Variants in ACACB observed in about 807,000 individuals in gnomAD.
ACACB encodes the protein acetyl-CoA carboxylase beta, also known as acetyl-CoA carboxylase 2.
A neutral mutation model predicts 278.8 loss-of-function variants in ACACB; 209 were observed. That is an observed-to-expected ratio of 0.75 (90% CI 0.67 to 0.84). ACACB has a LOEUF of 0.84. ACACB is among the 40% of genes least tolerant of loss of function. The pLI is 0.00. For synonymous variants in ACACB, 1,174 were observed against 1,285.6 expected (o/e 0.91, Z 1.86); for missense variants, 2,850 against 3,269.0 (o/e 0.87, Z 3.13).
At chr12:109,185,783 C>T in intron 12 of ACACB, 43 bp downstream of exon 12, 1 of 1,567,184 alleles carries the variant, frequency 6.4e-7, no homozygotes, top group African/African-American at 1.4e-5. Flanking sequence ...CTCAGATCTC[C>T]CAGCATGTGG....
At chr12:109,223,029 C>A in intron 26 of ACACB, 117 bp downstream of exon 26, 1 of 808,160 alleles carries the variant, frequency 1.2e-6, no homozygotes, top group Non-Finnish European at 2.0e-6. Flanking sequence ...CAGGGCACAG[C>A]CACAGATGCA....
intron 2 of ACACB, among the ~76,000 whole-genome samples, chr12:109,151,148 C>A (rs1193529896): frequency 6.6e-6 from 1 of 151,934 alleles, no homozygotes; most frequent in African/African-American, 2.4e-5. Context: ...CCATGCCCAG[C>A]TAATTTTTGT....
At chr12:109,251,555 A>T (rs1205098971) in intron 41 of ACACB, among the ~76,000 whole-genome samples, 1 of 152,242 alleles carries the variant, frequency 6.6e-6, no homozygotes, top group East Asian at 1.9e-4. Flanking sequence ...ATAAGATACT[A>T]CAGAGAATTT....
upstream of ACACB, among the ~76,000 whole-genome samples, chr12:109,115,922 C>T (rs1180725503): frequency 1.3e-5 from 2 of 152,248 alleles, no homozygotes; most frequent in African/African-American, 4.8e-5. Flanking sequence ...CCTATGTGGT[C>T]TCCACTTTCC....
intron 2 of ACACB, among the ~76,000 whole-genome samples, chr12:109,147,933 T>A (rs2043283088): frequency 6.6e-6 from 1 of 152,208 alleles, no homozygotes; most frequent in Admixed American, 6.5e-5. Flanking sequence ...AAATTCTTTC[T>A]CCTTGTATCT....
At chr12:109,140,676 G>C (rs567183124) in intron 2 of ACACB, among the ~76,000 whole-genome samples, 1 of 152,162 alleles carries the variant, frequency 6.6e-6, no homozygotes, top group South Asian at 2.1e-4. Flanking sequence ...AAAAAGGAAA[G>C]AAATCATTCC....
chr12:109,258,429 C>A, intron 46 of ACACB, 65 bp downstream of exon 46: 1 of 1,370,546 alleles, frequency 7.3e-7, no homozygotes, highest in Non-Finnish European at 1.0e-6. Flanking sequence ...GGGTCCTGGG[C>A]GTGGGGGTCC....
chr12:109,237,317 G>C lies in ACACB; in HGVS notation c.4599G>C (p.Val1533=), dbSNP rs1358630982. ...YLGAAKVKEG[V]EVTDHRFFIR... ...GTGCTGCCAAGGTGAAGGAAGGTGT[G>C]GAAGTGACGGACCATAGGTTCTTCA... The change falls in exon 34 of 53, where the codon GTG becomes GTC. Residue 1533 remains valine, a synonymous_variant. Coordinates refer to ENST00000338432, the MANE Select transcript of ACACB (RefSeq NM_001093.4). 1.9e-6 allele frequency: 3 copies of C among 1,614,180 alleles called. No individual in the cohort carries two copies. Among genetic ancestry groups the C allele is most frequent in the Non-Finnish European group, 2.5e-6 (3 of 1,180,034 alleles).
rs1278708985 is a variant in ACACB, at chr12:109,267,925, GA to G, written c.*1564del. The G allele has an allele frequency of 6.6e-6, 1 of 151,350 alleles. No homozygotes were observed. Among genetic ancestry groups the G allele is most frequent in the Non-Finnish European group, 1.5e-5 (1 of 67,872 alleles). 9.4% of individuals were successfully genotyped at this position (151,350 alleles called of 1,614,324 possible). The stretch of plus-strand genomic sequence containing the variant: ...GCCCAGGGAAGCCTCCAAAAGCTGG[GA>G]TGCTTGAGGGTATCCAAGTTGAAAA... On this transcript the variant is annotated 3_prime_UTR_variant, in exon 53 of 53. Coordinates refer to ENST00000338432, the MANE Select transcript of ACACB (RefSeq NM_001093.4).
chr12:109,166,278 A>G (rs945943742), intron 2 of ACACB, among the ~76,000 whole-genome samples: 1 of 152,168 alleles, frequency 6.6e-6, no homozygotes, highest in Non-Finnish European at 1.5e-5. Flanking sequence ...AGGTTCCTAA[A>G]CAATGGGCAT....
At chr12:109,130,658 T>A (rs1413419613) in intron 1 of ACACB, among the ~76,000 whole-genome samples, 5 of 152,302 alleles carry the variant, frequency 3.3e-5, no homozygotes, top group African/African-American at 4.8e-5. Context: ...ACACCCCAGA[T>A]CTACAGGCCG....
At chr12:109,251,293 A>G (rs2047088278) in intron 41 of ACACB, among the ~76,000 whole-genome samples, 3 of 152,180 alleles carry the variant, frequency 2.0e-5, no homozygotes, top group African/African-American at 4.8e-5. Context: ...CTGCCTAACT[A>G]TCACCTGATG....
intron 13 of ACACB, among the ~76,000 whole-genome samples, chr12:109,190,741 C>T (rs1054846098): frequency 3.3e-5 from 5 of 152,138 alleles, no homozygotes; most frequent in African/African-American, 7.2e-5. Flanking sequence ...GATCCTCCCC[C>T]TTTAGCCTCC....
chr12:109,161,139 C>T (rs2043709817), intron 2 of ACACB, among the ~76,000 whole-genome samples: 2 of 152,182 alleles, frequency 1.3e-5, no homozygotes. Flanking sequence ...ATCTGCCAGT[C>T]TCTCCAGCAA....
intron 10 of ACACB, 163 bp downstream of exon 10, chr12:109,179,460 G>A (rs2044389800): frequency 2.8e-6 from 2 of 712,626 alleles, no homozygotes; most frequent in Admixed American, 5.2e-5. Context: ...CAGGTTTATT[G>A]GATTAGCCGG....
chr12:109,232,900 G>C lies in ACACB; in HGVS notation c.4139+94G>C, dbSNP rs543345526. On this transcript the variant is annotated intron_variant, in intron 29 of 52. Transcript: ENST00000338432. ...CCCAATTCACTGGACAGATGGGGTG[G>C]GAGAGACCCAGACACGTGGCACAGC... 8.9e-4 allele frequency: 1,318 copies of C among 1,486,004 alleles called. 1 individual carries two copies. Among genetic ancestry groups the C allele is most frequent in the Admixed American group, 1.5e-3 (81 of 52,750 alleles). 92.1% of individuals were successfully genotyped at this position (1,486,004 alleles called of 1,614,324 possible). A position where few individuals can be genotyped will look rare whatever the true frequency, so the allele number is the denominator to read the frequency against.
intron 34 of ACACB, among the ~76,000 whole-genome samples, chr12:109,238,655 C>G (rs2046708909): frequency 6.7e-6 from 1 of 150,110 alleles, no homozygotes; most frequent in African/African-American, 2.5e-5. Context: ...ACCTCCGCAC[C>G]CCCGGGTTCA....
In ACACB at chr12:109,171,929, G is replaced by A; in HGVS notation, c.1035+15G>A. 1 of 1,597,144 alleles carries A rather than the reference G, an allele frequency of 6.3e-7. No homozygotes were observed. Among genetic ancestry groups the A allele is most frequent in the African/African-American group, 1.3e-5 (1 of 74,684 alleles). On this transcript the variant is annotated intron_variant, in intron 5 of 52. Coordinates refer to ENST00000338432, the MANE Select transcript of ACACB (RefSeq NM_001093.4). ...TCCCCGTGCAGGTAGATGGACTGGG[G>A]TGCCCAAGTGTGGCCCCTGAGTGTG...
chr12:109,117,330 A>G (rs1331854813), intron 1 of ACACB, among the ~76,000 whole-genome samples: 1 of 148,488 alleles, frequency 6.7e-6, no homozygotes, highest in East Asian at 2.0e-4. Flanking sequence ...ACTGCATTCC[A>G]GCCTGACTGA....
Sources: allele counts gnomAD v4.1 joint callset (sites outside exome capture counted in the v4.1 genomes callset), GRCh38; gene constraint gnomAD v4.1.1; transcripts MANE v1.5; gene names NCBI Gene and HGNC (gene_info 2026-07-23, HGNC 2026-07-21).